The following SENP7 variants were observed in gnomAD, a reference collection of about 807,000 sequenced individuals.
SENP7 encodes SUMO specific peptidase 7, also known as sentrin-specific protease 7.
A neutral mutation model predicts 141.2 loss-of-function variants in SENP7; 64 were observed. The observed-to-expected ratio is 0.45, with a 90% CI of 0.37 to 0.56. The LOEUF is 0.56. SENP7 is among the 20% of genes least tolerant of loss of function. The pLI is 0.00. For synonymous variants in SENP7, 382 were observed against 426.4 expected (o/e 0.90, Z 1.28); for missense variants, 1,025 against 1,212.2 (o/e 0.85, Z 2.29).
chr3:101,438,677 T>C (rs2062484790), intron 4 of SENP7, among the ~76,000 whole-genome samples: 1 of 152,252 alleles, frequency 6.6e-6, no homozygotes, highest in Admixed American at 6.5e-5. Flanking sequence ...ATACATGTTA[T>C]TCTATGTAAA....
Position 101,398,856 on chromosome 3 carries a change from CAT to C in SENP7, c.677+3_677+4del, listed in dbSNP as rs761692300. 2.0e-5 allele frequency: 32 copies of C among 1,561,654 alleles called. No individual in the cohort carries two copies. The highest frequency in any genetic ancestry group is 2.7e-5 in the Non-Finnish European group (31 of 1,147,912). On this transcript the variant is annotated splice_donor_region_variant and intron_variant, in intron 6 of 23. Coordinates refer to ENST00000394095, the MANE Select transcript of SENP7 (RefSeq NM_020654.5). ...TATTTTGAGTAAAGTTATCACTAAACATACCTTTCAGATAAATAACAGCTCTT... is the reference window on the plus strand; with the variant it reads ...TATTTTGAGTAAAGTTATCACTAAACACCTTTCAGATAAATAACAGCTCTT...
intron 5 of SENP7, 32 bp from the exon 6 acceptor site, chr3:101,399,087 A>G (rs1472581487): frequency 1.2e-5 from 17 of 1,365,262 alleles, no homozygotes; most frequent in Non-Finnish European, 1.5e-5. Flanking sequence ...ACTGTACTGT[A>G]CTGAAGTTTT....
chr3:101,336,474 A>C (rs1186401541), intron 17 of SENP7, among the ~76,000 whole-genome samples: 1 of 152,218 alleles, frequency 6.6e-6, no homozygotes, highest in African/African-American at 2.4e-5. Flanking sequence ...TCTGCCACTC[A>C]CTAGCTGTTC....
In SENP7 at chr3:101,324,881, C is replaced by G. The variant is rs568866085; in HGVS notation, c.*1062G>C. ...TAATCATATATAATGCCACCATTAT[C>G]ACATGAATTCAGAACTGTTACCTGA... On this transcript the variant is annotated 3_prime_UTR_variant, in exon 24 of 24. Transcript: ENST00000394095. 66 of 152,082 alleles carry G rather than the reference C, an allele frequency of 4.3e-4. No homozygotes were observed. Among genetic ancestry groups the G allele is most frequent in the Admixed American group, 1.1e-3 (17 of 15,240 alleles). The allele number at this position is 152,082 out of a possible 1,614,324, so 9.4% of individuals were successfully genotyped here.
intron 3 of SENP7, among the ~76,000 whole-genome samples, chr3:101,487,265 T>C (rs1030500485): frequency 9.2e-5 from 14 of 152,166 alleles, no homozygotes; most frequent in African/African-American, 2.4e-4. Context: ...TTAAAACAAA[T>C]AGACTTACCA....
chr3:101,417,619 A>G lies in SENP7; in HGVS notation c.456T>C (p.Leu152=). 1 of 1,613,908 alleles carries G rather than the reference A, an allele frequency of 6.2e-7. No individual in the cohort carries two copies. The highest frequency in any genetic ancestry group is 8.5e-7 in the Non-Finnish European group (1 of 1,179,800). Residue 152 remains leucine (L), a synonymous_variant, in exon 5 of 24, where the codon CTT becomes CTC. Coordinates refer to ENST00000394095, the MANE Select transcript of SENP7 (RefSeq NM_020654.5). ...TTTCAGATAAATTAAGGCTTTGGCG[A>G]AGAGGTTCTAATTTTTGACATGTCT... The part of the protein sequence containing the change: ...SLETCQKLEP[L]RQSLNLSERI...
At chr3:101,425,639 G>A (rs183756893) in intron 4 of SENP7, among the ~76,000 whole-genome samples, 5 of 152,292 alleles carry the variant, frequency 3.3e-5, no homozygotes, top group African/African-American at 4.8e-5. Context: ...CATCTCTCCA[G>A]CAAGGGTTCT....
intron 4 of SENP7, among the ~76,000 whole-genome samples, chr3:101,454,639 TGGTGAA>T (rs1473918490): frequency 6.6e-6 from 1 of 152,204 alleles, no homozygotes; most frequent in Non-Finnish European, 1.5e-5. Flanking sequence ...AAAATCCAAC[TGGTGAA>T]TAAACACAAT....
chr3:101,343,388 G>T (rs2059377595), intron 14 of SENP7, among the ~76,000 whole-genome samples: 1 of 151,430 alleles, frequency 6.6e-6, no homozygotes, highest in African/African-American at 2.4e-5. Context: ...TTATTAATTG[G>T]ATTTTTTTCT....
chr3:101,463,364 A>AATATACATATAT (rs2063617754), intron 3 of SENP7, among the ~76,000 whole-genome samples: 1 of 89,248 alleles, frequency 1.1e-5, no homozygotes, highest in Non-Finnish European at 2.2e-5. Flanking sequence ...TAAATAAATA[A>AATATACATATAT]ATATATATAT....
intron 11 of SENP7, among the ~76,000 whole-genome samples, chr3:101,361,098 G>A (rs2059886091): frequency 2.0e-5 from 3 of 151,896 alleles, no homozygotes; most frequent in South Asian, 2.1e-4. Context: ...CCAGCTACTC[G>A]GGAGGCTGAG....
intron 3 of SENP7, among the ~76,000 whole-genome samples, chr3:101,461,272 A>C (rs2063536551): frequency 6.6e-6 from 1 of 152,186 alleles, no homozygotes. Context: ...AAAATGAAAA[A>C]AGAATCAATG....
chr3:101,422,428 T>G lies in SENP7; in HGVS notation c.285-4638A>C, dbSNP rs937885337. Among the ~76,000 whole-genome samples, 41 of 152,316 alleles carry G rather than the reference T, an allele frequency of 2.7e-4. 1 individual carries two copies. The highest frequency in any genetic ancestry group is 2.4e-3 in the Admixed American group (36 of 15,304). ...AAAATCTACCTTATTAAAAATAGAT[T>G]AAATTTAATGAATAATTCATTGAAC... is the stretch of plus-strand genomic sequence containing the variant. On this transcript the variant is annotated intron_variant, in intron 4 of 23. Coordinates refer to ENST00000394095, the MANE Select transcript of SENP7 (RefSeq NM_020654.5).
At chr3:101,402,721 T>C (rs2061186422) in intron 5 of SENP7, among the ~76,000 whole-genome samples, 1 of 151,660 alleles carries the variant, frequency 6.6e-6, no homozygotes, top group Non-Finnish European at 1.5e-5. Context: ...ACAGCGTGGA[T>C]CACTGAATCA....
intron 4 of SENP7, among the ~76,000 whole-genome samples, chr3:101,436,384 C>T (rs1164181674): frequency 6.6e-6 from 1 of 151,998 alleles, no homozygotes; most frequent in Non-Finnish European, 1.5e-5. Context: ...TCAGCAATAC[C>T]CCACAAGCAC....
At chr3:101,492,731 C>T (rs2065013591) in intron 3 of SENP7, among the ~76,000 whole-genome samples, 2 of 152,192 alleles carry the variant, frequency 1.3e-5, no homozygotes, top group South Asian at 4.1e-4. Context: ...GGCATAATGG[C>T]TCATACCTCT....
At position 101,343,824 on chromosome 3, in the gene SENP7, A is replaced by C. The variant is rs1485500983; in HGVS notation, c.1968T>G (p.Ser656=). The change falls in exon 14 of 24, where the codon TCT becomes TCG. Residue 656 remains serine (S), a synonymous_variant. Coordinates refer to ENST00000394095, the MANE Select transcript of SENP7 (RefSeq NM_020654.5). The stretch of plus-strand genomic sequence containing the variant: ...GAAACAAAGGAAATGCCTGAACCCA[A>C]GACAACGGGTAAGAAAGCTCTAATT... The part of the protein sequence containing the change: ...SGELELSYPL[S]WVQAFPLFQN... 1 of 1,613,848 alleles carries C rather than the reference A, an allele frequency of 6.2e-7. No homozygotes were observed. Among genetic ancestry groups the C allele is most frequent in the East Asian group, 2.2e-5 (1 of 44,840 alleles).
Position 101,366,556 on chromosome 3 carries a change from T to TA in SENP7, c.1191dup (p.Asn398Ter). 2 of 1,613,866 alleles carry TA rather than the reference T, an allele frequency of 1.2e-6. No individual in the cohort carries two copies. The highest frequency in any genetic ancestry group is 1.7e-6 in the Non-Finnish European group (2 of 1,179,808). ...GAAATCCCCACAATATCAATGGAAT[T>TA]AGAGTTCTCAACGGTTTCAGTGGTT... On this transcript the variant is annotated frameshift_variant, in exon 9 of 24. Coordinates refer to ENST00000394095, the MANE Select transcript of SENP7 (RefSeq NM_020654.5). LOFTEE classifies it high-confidence loss of function.
chr3:101,503,306 A>T (rs969522648), intron 1 of SENP7, among the ~76,000 whole-genome samples: 1 of 152,242 alleles, frequency 6.6e-6, no homozygotes, highest in Non-Finnish European at 1.5e-5. Context: ...CTAAGAGTGT[A>T]AATGAGTACA....
Sources: allele counts gnomAD v4.1 joint callset (sites outside exome capture counted in the v4.1 genomes callset), GRCh38; gene constraint gnomAD v4.1.1; transcripts MANE v1.5; gene names NCBI Gene and HGNC (gene_info 2026-07-23, HGNC 2026-07-21).